The following CNTN4 variants were observed in gnomAD, a reference collection of about 807,000 sequenced individuals.
The protein encoded by CNTN4 is contactin 4, also known as contactin-4.
CNTN4 carries 77 observed loss-of-function variants against 122.5 expected under a neutral mutation model. That is an observed-to-expected ratio of 0.63 (90% CI 0.52 to 0.76). CNTN4 has a LOEUF of 0.76. Among genes scored for constraint, CNTN4 ranks in the 30% least tolerant of loss-of-function variants. CNTN4 has a pLI of 0.00. For synonymous variants in CNTN4, 512 were observed against 447.0 expected, an observed-to-expected ratio of 1.15 and a Z score of -1.83; for missense variants, 1,256 against 1,259.1, an observed-to-expected ratio of 1.00 and a Z score of 0.04.
intron 4 of CNTN4, among the ~76,000 whole-genome samples, chr3:2,589,871 A>G (rs994315316): frequency 6.6e-6 from 1 of 152,200 alleles, no homozygotes; most frequent in Non-Finnish European, 1.5e-5. Flanking sequence ...TTCCCTCAGC[A>G]GATGATCCAG....
At chr3:2,981,803 G>A (rs913730786) in intron 13 of CNTN4, among the ~76,000 whole-genome samples, 1 of 152,102 alleles carries the variant, frequency 6.6e-6, no homozygotes. Context: ...TGAGCACTTC[G>A]GGAGGCTGAG....
At chr3:2,892,051 T>C (rs1248606735) in intron 10 of CNTN4, among the ~76,000 whole-genome samples, 1 of 152,214 alleles carries the variant, frequency 6.6e-6, no homozygotes, top group Admixed American at 6.5e-5. Context: ...ATCTGTCTAG[T>C]TTATAGATAT....
chr3:2,634,698 A>G (rs1022101861), intron 4 of CNTN4, among the ~76,000 whole-genome samples: 13 of 146,208 alleles, frequency 8.9e-5, no homozygotes, highest in African/African-American at 3.4e-4. Context: ...ATATATATAT[A>G]TATATATGTT....
intron 3 of CNTN4, among the ~76,000 whole-genome samples, chr3:2,376,570 A>T (rs528350136): frequency 6.6e-6 from 1 of 152,118 alleles, no homozygotes; most frequent in South Asian, 2.1e-4. Context: ...CATTAAGCAC[A>T]GTCCACAGTT....
At chr3:2,887,819 C>G (rs2093996025) in intron 10 of CNTN4, among the ~76,000 whole-genome samples, 1 of 152,030 alleles carries the variant, frequency 6.6e-6, no homozygotes, top group South Asian at 2.1e-4. Flanking sequence ...AATGTAAAAC[C>G]ACTAGCACAT....
chr3:2,302,470 G>A (rs971997463), intron 2 of CNTN4, among the ~76,000 whole-genome samples: 1 of 152,152 alleles, frequency 6.6e-6, no homozygotes, highest in Non-Finnish European at 1.5e-5. Context: ...TTGGCTCTAC[G>A]TTGGTTATGT....
In CNTN4 at chr3:2,745,574, G is replaced by A; in HGVS notation, c.235G>A (p.Val79Ile). 2 of 1,614,164 alleles carry A rather than the reference G, an allele frequency of 1.2e-6. No homozygotes were observed. The highest frequency in any genetic ancestry group is 2.2e-5 in the East Asian group (1 of 44,868). Residue 79 changes from valine to isoleucine, a missense_variant, in exon 6 of 25, where the codon GTT becomes ATT. Physicochemically the swap from Val to Ile is conservative, Grantham distance 29 (BLOSUM62 3). Transcript: ENST00000418658. ...VDTGMDFRYS[V>I]VEGSLLINNP... ...CACTGGTATGGATTTCCGCTACAGTGTTGTTGAAGGGAGCTTGTTGATCAA... is the reference window on the plus strand; with the variant it reads ...CACTGGTATGGATTTCCGCTACAGTATTGTTGAAGGGAGCTTGTTGATCAA...
At chr3:2,888,233 A>G (rs1434631472) in intron 10 of CNTN4, among the ~76,000 whole-genome samples, 1 of 152,182 alleles carries the variant, frequency 6.6e-6, no homozygotes, top group African/African-American at 2.4e-5. Context: ...GGGGGCCCAG[A>G]GTAACATTGA....
intron 3 of CNTN4, among the ~76,000 whole-genome samples, chr3:2,351,534 G>GT (rs1363761333): frequency 6.6e-6 from 1 of 152,188 alleles, no homozygotes; most frequent in Non-Finnish European, 1.5e-5. Context: ...AAAACAGAAA[G>GT]TAAATATGTA....
intron 2 of CNTN4, among the ~76,000 whole-genome samples, chr3:2,281,230 G>A (rs2041703353): frequency 6.6e-6 from 1 of 152,068 alleles, no homozygotes; most frequent in Non-Finnish European, 1.5e-5. Flanking sequence ...GTTGAACTCA[G>A]GATCTGAAGT....
Position 2,989,278 on chromosome 3 carries a change from C to T in CNTN4, c.1486+806C>T, listed in dbSNP as rs1694850182. ...AGATGAGGCTCAGGTTGGTGGTTCT[C>T]TCAAGGTCACGAGTAGCAGGAGACC... On this transcript the variant is annotated intron_variant, in intron 14 of 24. Transcript: ENST00000418658. Among the ~76,000 whole-genome samples, 7 of 152,232 alleles carry T rather than the reference C, an allele frequency of 4.6e-5. No homozygotes were observed. In the South Asian group the frequency reaches 1.5e-3, roughly 32 times the overall value.
intron 6 of CNTN4, among the ~76,000 whole-genome samples, chr3:2,805,140 G>T (rs762900617): frequency 2.6e-5 from 4 of 151,992 alleles, no homozygotes; most frequent in Non-Finnish European, 5.9e-5. Context: ...CCGCACCATC[G>T]CACTCCAGCC....
chr3:2,849,168 A>C (rs190412245), intron 7 of CNTN4, among the ~76,000 whole-genome samples: 1 of 152,230 alleles, frequency 6.6e-6, no homozygotes, highest in East Asian at 1.9e-4. Flanking sequence ...TGATTCTCCT[A>C]AAACTGTATC....
At chr3:2,363,464 A>G (rs192420562) in intron 3 of CNTN4, among the ~76,000 whole-genome samples, 4 of 152,334 alleles carry the variant, frequency 2.6e-5, no homozygotes, top group East Asian at 3.9e-4. Flanking sequence ...CAAGACTGCA[A>G]CTTTTCTCTC....
At chr3:2,807,468 A>C (rs62234207) in intron 6 of CNTN4, among the ~76,000 whole-genome samples, 26,967 of 152,044 alleles carry the variant, frequency 0.18, 2,679 homozygotes, top group East Asian at 0.44. Context: ...TTTCATTTAT[A>C]TACAGAACTT....
At chr3:2,966,601 A>G (rs1044519331) in intron 13 of CNTN4, among the ~76,000 whole-genome samples, 1 of 152,202 alleles carries the variant, frequency 6.6e-6, no homozygotes, top group East Asian at 1.9e-4. Flanking sequence ...TTTATTGTAT[A>G]TTTTGAAATA....
chr3:2,228,116 AT>A (rs1007562446), intron 2 of CNTN4, among the ~76,000 whole-genome samples: 1 of 151,856 alleles, frequency 6.6e-6, no homozygotes, highest in Non-Finnish European at 1.5e-5. Context: ...GTTACAAGTG[AT>A]TTTTTTTCAA....
chr3:2,136,702 A>AC (rs2034708741), intron 2 of CNTN4, among the ~76,000 whole-genome samples: 1 of 152,180 alleles, frequency 6.6e-6, no homozygotes, highest in African/African-American at 2.4e-5. Context: ...TTAAAAAAAA[A>AC]AAAAGAAATC....
intron 3 of CNTN4, among the ~76,000 whole-genome samples, chr3:2,383,797 C>T (rs537048343): frequency 6.6e-6 from 1 of 150,614 alleles, no homozygotes; most frequent in African/African-American, 2.4e-5. Flanking sequence ...TTTCTTTCCT[C>T]TCTTCTCCCT....
Sources: gnomAD v4.1 joint callset for allele counts (sites outside exome capture counted in the v4.1 genomes callset) on GRCh38, gnomAD v4.1.1 for gene constraint, MANE v1.5 for transcripts, NCBI Gene and HGNC (gene_info 2026-07-23, HGNC 2026-07-21) for gene names.